REV3L: variants seen among roughly 807,000 people sequenced by gnomAD.
REV3L encodes REV3 like, DNA directed polymerase zeta catalytic subunit, also known as DNA polymerase zeta catalytic subunit.
REV3L carries 69 observed loss-of-function variants against 299.4 expected under a neutral mutation model. The observed-to-expected ratio is 0.23, with a 90% confidence interval of 0.19 to 0.28. The LOEUF is 0.28. Among genes scored for constraint, REV3L ranks in the 10% least tolerant of loss-of-function variants. REV3L has a pLI of 1.00. For missense variants in REV3L, 3,128 were observed against 3,693.8 expected (o/e 0.85, Z 3.97); for synonymous variants, 1,238 against 1,271.4 (o/e 0.97, Z 0.56).
At chr6:111,388,837 AAAC>A (rs1781609643) in intron 7 of REV3L, among the ~76,000 whole-genome samples, 2 of 152,234 alleles carry the variant, frequency 1.3e-5, no homozygotes, top group South Asian at 4.1e-4. Flanking sequence ...TAGAGAATGA[AAAC>A]AAAAAAGTGA....
At chr6:111,455,466 T>C (rs896208004) in intron 1 of REV3L, among the ~76,000 whole-genome samples, 2 of 152,198 alleles carry the variant, frequency 1.3e-5, no homozygotes, top group African/African-American at 4.8e-5. Context: ...GGTAGGCAGG[T>C]GCTCGATCAT....
Position 111,299,904 on chromosome 6 carries a change from A to G in REV3L, c.*112T>C. On this transcript the variant is annotated 3_prime_UTR_variant, in exon 32 of 32. Transcript: ENST00000368802. ...GCATAGAAGTCTTCATAGTCTTCAG[A>G]TAACAGACAGTGAACATCCTTGACT... The G allele has an allele frequency of 9.6e-7, 1 of 1,040,368 alleles. No homozygotes were observed. The highest frequency in any genetic ancestry group is 1.4e-6 in the Non-Finnish European group (1 of 725,072). The allele number at this position is 1,040,368 out of a possible 1,614,324, so 64.4% of individuals were successfully genotyped here. A position where few individuals can be genotyped will look rare whatever the true frequency, so the allele number is the denominator to read the frequency against.
At chr6:111,428,710 G>A (rs1786485253) in intron 1 of REV3L, among the ~76,000 whole-genome samples, 1 of 151,796 alleles carries the variant, frequency 6.6e-6, no homozygotes, top group African/African-American at 2.4e-5. Context: ...AGGAATGAAG[G>A]CTGCCTTTAA....
intron 3 of REV3L, among the ~76,000 whole-genome samples, chr6:111,408,207 G>A (rs1285196211): frequency 6.6e-6 from 1 of 152,174 alleles, no homozygotes; most frequent in East Asian, 1.9e-4. Flanking sequence ...GCAGCGAGGA[G>A]AGAATGGATG....
intron 10 of REV3L, 103 bp downstream of exon 10, chr6:111,381,222 C>T: frequency 8.5e-7 from 1 of 1,179,816 alleles, no homozygotes; most frequent in Non-Finnish European, 1.2e-6. Context: ...ACTGAACATG[C>T]AACATTTACC....
chr6:111,383,846 T>A (rs1781069308), intron 9 of REV3L, among the ~76,000 whole-genome samples: 3 of 152,152 alleles, frequency 2.0e-5, no homozygotes, highest in Admixed American at 1.3e-4. Context: ...TCACATTACC[T>A]GACTTCAAAT....
intron 9 of REV3L, among the ~76,000 whole-genome samples, chr6:111,384,299 C>G (rs1413093840): frequency 6.6e-6 from 1 of 152,044 alleles, no homozygotes; most frequent in Non-Finnish European, 1.5e-5. Context: ...GCAAAGGAAA[C>G]AATCAACAAA....
intron 4 of REV3L, among the ~76,000 whole-genome samples, chr6:111,394,544 T>C (rs1324371117): frequency 6.6e-6 from 1 of 152,156 alleles, no homozygotes; most frequent in African/African-American, 2.4e-5. Context: ...AAATATTTTC[T>C]CTCATTCTGT....
chr6:111,310,832 T>C (rs1772894352), intron 29 of REV3L: 1 of 395,886 alleles, frequency 2.5e-6, no homozygotes, highest in Non-Finnish European at 4.5e-6. Context: ...AACAAATGAA[T>C]CAAGGACTGT....
chr6:111,386,077 T>C (rs531811893), intron 9 of REV3L, among the ~76,000 whole-genome samples: 88 of 152,316 alleles, frequency 5.8e-4, no homozygotes, highest in African/African-American at 2.0e-3. Flanking sequence ...AATTGCATTA[T>C]AGAAAAACTG....
At chr6:111,340,819 A>C (rs768474716) in intron 21 of REV3L, among the ~76,000 whole-genome samples, 2 of 152,018 alleles carry the variant, frequency 1.3e-5, no homozygotes, top group Non-Finnish European at 2.9e-5. Flanking sequence ...TCCATTTGAC[A>C]TAAATGGTCT....
rs1262090045 is a variant in REV3L at position 111,381,315 on chromosome 6, T to C, written c.1216+10A>G. ...CAATACTGAATATTTATGGTAGCAC[T>C]GTTACTTACTGAAAACAGGTGACTC... On this transcript the variant is annotated intron_variant, in intron 10 of 31. Transcript: ENST00000368802. 2 of 1,612,958 alleles carry C rather than the reference T, an allele frequency of 1.2e-6. No individual in the cohort carries two copies. Among genetic ancestry groups the C allele is most frequent in the African/African-American group, 1.3e-5 (1 of 75,022 alleles).
chr6:111,315,923 G>C (rs991918086), intron 26 of REV3L, among the ~76,000 whole-genome samples: 1 of 152,174 alleles, frequency 6.6e-6, no homozygotes, highest in Admixed American at 6.5e-5. Context: ...CCATGAAACC[G>C]ATCCCTGGTG....
chr6:111,323,795 A>G (rs1191962495), intron 25 of REV3L, among the ~76,000 whole-genome samples: 1 of 151,330 alleles, frequency 6.6e-6, no homozygotes, highest in Non-Finnish European at 1.5e-5. Context: ...CAAACTGCAC[A>G]TTTTTTTTTG....
intron 14 of REV3L, 95 bp from the exon 15 acceptor site, chr6:111,365,439 C>G (rs1779093830): frequency 1.8e-6 from 1 of 567,672 alleles, no homozygotes; most frequent in Non-Finnish European, 2.9e-6. Flanking sequence ...TTAAGTACCA[C>G]TTGTGGGTGC....
chr6:111,315,827 G>A (rs1215574738), intron 26 of REV3L, among the ~76,000 whole-genome samples: 1 of 152,188 alleles, frequency 6.6e-6, no homozygotes. Flanking sequence ...TCTAGGTTGT[G>A]TGCACCTTAT....
intron 21 of REV3L, among the ~76,000 whole-genome samples, chr6:111,339,778 A>G (rs1197224182): frequency 6.6e-6 from 1 of 152,200 alleles, no homozygotes; most frequent in African/African-American, 2.4e-5. Flanking sequence ...AAATAAAATC[A>G]TCATCCTTTC....
At chr6:111,448,113 C>T (rs1789071978) in intron 1 of REV3L, among the ~76,000 whole-genome samples, 1 of 152,096 alleles carries the variant, frequency 6.6e-6, no homozygotes, top group Non-Finnish European at 1.5e-5. Context: ...ATCCAACGAT[C>T]AGGTATAAGG....
rs771659710 is a variant in REV3L at position 111,482,797 on chromosome 6, G to A, written c.92C>T (p.Pro31Leu). Residue 31 changes from proline (P) to leucine (L), a missense_variant, in exon 1 of 32, where the codon CCT becomes CTT. Coordinates refer to ENST00000368802, the MANE Select transcript of REV3L (RefSeq NM_001372078.1). ...TCGCACCACCGGCACCTTCTTGACA[G>A]GGGCCTGGGTGAGGGGGGATTGGCA... The part of the protein sequence containing the change: ...DTCQSPLTQA[P>L]VKKVPVVRVF... 12 of 1,493,662 alleles carry A rather than the reference G, an allele frequency of 8.0e-6. No individual in the cohort carries two copies. Among genetic ancestry groups the A allele is most frequent in the African/African-American group, 2.9e-5 (2 of 68,466 alleles). 92.5% of individuals were successfully genotyped at this position (1,493,662 alleles called of 1,614,324 possible). A position where few individuals can be genotyped will look rare whatever the true frequency, so the allele number is the denominator to read the frequency against.
Sources: allele counts gnomAD v4.1 joint callset (sites outside exome capture counted in the v4.1 genomes callset), GRCh38; gene constraint gnomAD v4.1.1; transcripts MANE v1.5; gene names NCBI Gene and HGNC (gene_info 2026-07-23, HGNC 2026-07-21).